Variants in DGKK observed in about 807,000 individuals in gnomAD.
The protein encoded by DGKK is 142 kDa diacylglycerol kinase.
Under a neutral mutation model 92.2 loss-of-function variants are expected in DGKK, and 35 were observed. The ratio of observed to expected loss-of-function variants is 0.38; its 90% confidence interval spans 0.29 to 0.50. DGKK has a LOEUF of 0.50. DGKK is among the 20% of genes least tolerant of loss of function. The pLI is 0.92. For synonymous variants in DGKK, 368 were observed against 360.6 expected (o/e 1.02, Z -0.23); for missense variants, 910 against 992.2 (o/e 0.92, Z 1.11).
Position 50,470,559 on chromosome X carries a change from C to A in DGKK, c.120G>T (p.Pro40=). The change falls in exon 1 of 28, where the codon CCG becomes CCT. Residue 40 remains proline (P), a synonymous_variant. Transcript: ENST00000611977. ...WPPPPPPPAP[P]PAPPLLSEAS... The stretch of plus-strand genomic sequence containing the variant: ...CCTCGGAGAGCAGCGGCGGAGCCGG[C>A]GGCGGAGCCGGTGGTGGTGGCGGCG... 1.7e-6 allele frequency: 2 copies of A among 1,204,595 alleles called. No individual in the cohort carries two copies. The highest frequency in any genetic ancestry group is 1.1e-6 in the Non-Finnish European group (1 of 893,757).
chrX:50,382,644 A>G, intron 17 of DGKK, 41 bp from the exon 18 acceptor site: 1 of 1,051,651 alleles, frequency 9.5e-7, no homozygotes. Context: ...TGGTGCAGGA[A>G]AGAAGTGCCG....
chrX:50,462,260 C>G (rs190386982), intron 1 of DGKK, among the ~76,000 whole-genome samples: 23 of 110,776 alleles, frequency 2.1e-4, no homozygotes, highest in African/African-American at 7.5e-4. Flanking sequence ...GGGAAGCCAG[C>G]CTGGGATTAA....
rs142621332 is a variant in DGKK, at chrX:50,423,157, G to A, written c.757-631C>T. Among the ~76,000 whole-genome samples, 27 of 112,477 alleles carry A rather than the reference G, an allele frequency of 2.4e-4. 1 individual carries two copies. The highest frequency in any genetic ancestry group is 2.3e-3 in the Admixed American group (25 of 10,653). ...ACCTCATAATTTTGTCTTTGAGCAT[G>A]TGTTTTGTAAGTAAAGTCCAATGGG... On this transcript the variant is annotated intron_variant, in intron 2 of 27. Coordinates refer to ENST00000611977, the MANE Select transcript of DGKK (RefSeq NM_001013742.4).
chrX:50,457,362 T>G (rs1365719651), intron 1 of DGKK, among the ~76,000 whole-genome samples: 1 of 111,361 alleles, frequency 9.0e-6, no homozygotes, highest in East Asian at 2.8e-4. Context: ...GTCATTCAAA[T>G]CATTACCCAA....
At chrX:50,413,361 G>A in intron 4 of DGKK, among the ~76,000 whole-genome samples, 1 of 111,911 alleles carries the variant, frequency 8.9e-6, no homozygotes, top group Non-Finnish European at 1.9e-5. Context: ...GGACAAATGA[G>A]ATTACATCAA....
intron 1 of DGKK, among the ~76,000 whole-genome samples, chrX:50,440,457 T>C (rs781895993): frequency 8.9e-6 from 1 of 111,885 alleles, no homozygotes; most frequent in Non-Finnish European, 1.9e-5. Context: ...TACAATTATA[T>C]ACTACGTAAC....
chrX:50,435,295 C>A (rs1460038147), intron 1 of DGKK, among the ~76,000 whole-genome samples: 1 of 111,745 alleles, frequency 8.9e-6, no homozygotes, highest in Non-Finnish European at 1.9e-5. Context: ...TTAAAAGTAC[C>A]CATTTCTTTC....
rs1198503539 is a variant in DGKK, at chrX:50,366,419, G to A, written c.*2521C>T. 7 of 111,684 alleles carry A rather than the reference G, an allele frequency of 6.3e-5. No homozygotes were observed. The highest frequency in any genetic ancestry group is 1.1e-4 in the Non-Finnish European group (6 of 53,181). 9.2% of individuals were successfully genotyped at this position (111,684 alleles called of 1,213,427 possible). ...CTGACTCTAGCCCCAAATACTAGTG[G>A]TTTCAGTCAATATCATTCTGACTCA... On this transcript the variant is annotated 3_prime_UTR_variant, in exon 28 of 28. Coordinates refer to ENST00000611977, the MANE Select transcript of DGKK (RefSeq NM_001013742.4).
intron 1 of DGKK, among the ~76,000 whole-genome samples, chrX:50,449,400 G>A (rs1557232289): frequency 9.0e-6 from 1 of 111,545 alleles, no homozygotes; most frequent in Admixed American, 9.5e-5. Context: ...AGAAGCCTTG[G>A]TTGAAACATC....
intron 1 of DGKK, among the ~76,000 whole-genome samples, chrX:50,456,837 T>TA (rs1926623240): frequency 9.0e-6 from 1 of 111,388 alleles, no homozygotes; most frequent in South Asian, 3.8e-4. Flanking sequence ...CGCCTACTGG[T>TA]AATGCAAAGG....
chrX:50,410,878 G>T (rs1317911136), intron 4 of DGKK, among the ~76,000 whole-genome samples: 1 of 111,380 alleles, frequency 9.0e-6, no homozygotes, highest in Non-Finnish European at 1.9e-5. Flanking sequence ...CTTGTCCCAC[G>T]GGAAACATTG....
Position 50,384,803 on chromosome X carries a change from T to C in DGKK, c.2369A>G (p.Gln790Arg), listed in dbSNP as rs782311475. Residue 790 changes from glutamine to arginine, a missense_variant, in exon 16 of 28, where the codon CAG (glutamine) becomes CGG (arginine). By Grantham distance (43) the Gln-to-Arg change is conservative. Coordinates refer to ENST00000611977, the MANE Select transcript of DGKK (RefSeq NM_001013742.4). ...ACTAAAGTTCTTAACAGATATTGTC[T>C]GTCTGCTTTCCTCATCCAGAGCTAT... The part of the protein sequence containing the change: ...VEQALDEESR[Q>R]TISVKNFSST... The C allele has an allele frequency of 1.7e-6, 2 of 1,208,768 alleles. No homozygotes were observed. The highest frequency in any genetic ancestry group is 4.4e-5 in the Admixed American group (2 of 45,930).
chrX:50,391,777 A>G (rs782332127), intron 10 of DGKK, among the ~76,000 whole-genome samples: 16 of 112,295 alleles, frequency 1.4e-4, no homozygotes, highest in Non-Finnish European at 2.8e-4. Flanking sequence ...CCCAGTGTTA[A>G]CAACACAGAA....
chrX:50,399,917 A>G (rs782263469), intron 8 of DGKK, among the ~76,000 whole-genome samples: 30 of 112,112 alleles, frequency 2.7e-4, no homozygotes, highest in African/African-American at 9.7e-4. Flanking sequence ...GGCAGGTGCC[A>G]AAGAGTGAAT....
chrX:50,390,898 A>G (rs1924671647), intron 11 of DGKK, among the ~76,000 whole-genome samples: 1 of 111,842 alleles, frequency 8.9e-6, no homozygotes, highest in Non-Finnish European at 1.9e-5. Context: ...TAGAGCAGTG[A>G]CAATGTAAGC....
Position 50,408,678 on chromosome X carries a change from C to T in DGKK, c.943-4494G>A, listed in dbSNP as rs148375302. 5.2e-3 allele frequency among the ~76,000 whole-genome samples: 578 copies of T among 111,753 alleles called. 4 individuals are homozygous for T. Among genetic ancestry groups the T allele is most frequent in the African/African-American group, 0.018 (547 of 30,710 alleles). On this transcript the variant is annotated intron_variant, in intron 4 of 27. Transcript: ENST00000611977. ...GATTACAGGCATGAGCCACCGCGCC[C>T]GGCCATTTTATCCCTTTCAAAATGG... is the stretch of plus-strand genomic sequence containing the variant.
chrX:50,370,050 C>G (rs1924079341), intron 27 of DGKK, among the ~76,000 whole-genome samples: 1 of 112,149 alleles, frequency 8.9e-6, no homozygotes, highest in African/African-American at 3.2e-5. Context: ...AACCAAAATT[C>G]AAACAATAAA....
chrX:50,383,403 G>A (rs1557224634), intron 17 of DGKK, among the ~76,000 whole-genome samples: 1 of 111,866 alleles, frequency 8.9e-6, no homozygotes, highest in African/African-American at 3.3e-5. Flanking sequence ...AGCCAATGGT[G>A]AAGTGTGGGG....
chrX:50,410,596 T>G (rs1221749202), intron 4 of DGKK, among the ~76,000 whole-genome samples: 2 of 111,855 alleles, frequency 1.8e-5, no homozygotes, highest in Admixed American at 9.5e-5. Flanking sequence ...GAAATCCAAC[T>G]GGCAACTATC....
Sources: gnomAD v4.1 joint callset for allele counts (sites outside exome capture counted in the v4.1 genomes callset) on GRCh38, gnomAD v4.1.1 for gene constraint, MANE v1.5 for transcripts, NCBI Gene and HGNC (gene_info 2026-07-23, HGNC 2026-07-21) for gene names.